Variants in RANBP17 observed in about 807,000 individuals in gnomAD.
RANBP17 encodes RAN binding protein 17, also known as ran-binding protein 17.
In RANBP17, 158 loss-of-function variants were observed where a neutral mutation model predicts 141.2. The observed-to-expected ratio is 1.12, with a 90% confidence interval of 0.98 to 1.28. The LOEUF is 1.28. Among genes scored for constraint, RANBP17 ranks in the 50% most tolerant of loss-of-function variants. The pLI is 0.00. For missense variants in RANBP17, 1,438 were observed against 1,290.7 expected, an observed-to-expected ratio of 1.11 and a Z score of -1.75; for synonymous variants, 430 against 450.0, an observed-to-expected ratio of 0.96 and a Z score of 0.56.
At chr5:170,890,815 A>G (rs1769532130) in intron 3 of RANBP17, among the ~76,000 whole-genome samples, 1 of 152,206 alleles carries the variant, frequency 6.6e-6, no homozygotes, top group Non-Finnish European at 1.5e-5. Flanking sequence ...GCTTGACTTT[A>G]CTATTCTACT....
chr5:171,049,630 T>C (rs1782824780), intron 14 of RANBP17, among the ~76,000 whole-genome samples: 1 of 152,220 alleles, frequency 6.6e-6, no homozygotes, highest in African/African-American at 2.4e-5. Flanking sequence ...TAATCAATCT[T>C]GAATTGATTT....
At chr5:171,238,765 C>T (rs1053438431) in intron 22 of RANBP17, among the ~76,000 whole-genome samples, 3 of 152,166 alleles carry the variant, frequency 2.0e-5, no homozygotes. Context: ...CATGCCTTTG[C>T]ACTTCATCTA....
intron 16 of RANBP17, among the ~76,000 whole-genome samples, chr5:171,178,727 A>G (rs1346189075): frequency 6.6e-6 from 1 of 152,086 alleles, no homozygotes; most frequent in African/African-American, 2.4e-5. Context: ...CTGGCATGAG[A>G]TGGTATCTCA....
chr5:171,000,357 G>C (rs1581359439), intron 14 of RANBP17, among the ~76,000 whole-genome samples: 2 of 152,048 alleles, frequency 1.3e-5, no homozygotes, highest in African/African-American at 2.4e-5. Context: ...ATTGCACAAG[G>C]ATTCGAGTTT....
At chr5:171,164,085 C>T (rs554013133) in intron 14 of RANBP17, among the ~76,000 whole-genome samples, 5 of 152,152 alleles carry the variant, frequency 3.3e-5, no homozygotes, top group Middle Eastern at 6.8e-3. Flanking sequence ...ATGAGAGATT[C>T]GTTGTTCTTT....
At chr5:171,009,426 T>C (rs9313534) in intron 14 of RANBP17, among the ~76,000 whole-genome samples, 93,061 of 151,982 alleles carry the variant, frequency 0.61, 29,836 homozygotes, top group South Asian at 0.88. Context: ...AAGGATTGAA[T>C]TGGATTGGTA....
intron 25 of RANBP17, among the ~76,000 whole-genome samples, chr5:171,266,957 A>G (rs1213320033): frequency 2.0e-5 from 3 of 151,670 alleles, no homozygotes; most frequent in East Asian, 1.9e-4. Flanking sequence ...AAAAAAACAT[A>G]CATGCCAAAA....
At chr5:171,049,027 CTATTT>C (rs1217747258) in intron 14 of RANBP17, among the ~76,000 whole-genome samples, 1 of 152,098 alleles carries the variant, frequency 6.6e-6, no homozygotes, top group Non-Finnish European at 1.5e-5. Context: ...AATGGTAATT[CTATTT>C]TAAGTTCTTC....
intron 14 of RANBP17, among the ~76,000 whole-genome samples, chr5:171,151,962 G>C (rs1758518077): frequency 6.6e-6 from 1 of 152,034 alleles, no homozygotes; most frequent in Non-Finnish European, 1.5e-5. Flanking sequence ...CAAGGAACTG[G>C]GTATATGAGG....
intron 14 of RANBP17, among the ~76,000 whole-genome samples, chr5:171,094,855 G>A (rs111918503): frequency 1.6e-3 from 241 of 152,140 alleles, no homozygotes; most frequent in Non-Finnish European, 2.3e-3. Context: ...CCTTTTCCCT[G>A]TTGGCTGTGG....
chr5:170,906,462 A>G (rs182027360), intron 5 of RANBP17, among the ~76,000 whole-genome samples: 2 of 152,038 alleles, frequency 1.3e-5, no homozygotes, highest in East Asian at 1.9e-4. Flanking sequence ...CTTGCCTCCT[A>G]TCAGGAAGCA....
chr5:171,087,380 C>G (rs997599510), intron 14 of RANBP17, among the ~76,000 whole-genome samples: 10 of 152,040 alleles, frequency 6.6e-5, no homozygotes, highest in Admixed American at 3.9e-4. Flanking sequence ...AGCTTTACTT[C>G]CAGCTATGTG....
Position 171,230,677 on chromosome 5 carries a change from G to T in RANBP17, c.2422+8837G>T, listed in dbSNP as rs563959762. On this transcript the variant is annotated intron_variant, in intron 22 of 27. Coordinates refer to ENST00000523189, the MANE Select transcript of RANBP17 (RefSeq NM_022897.5). Reference sequence around the variant, plus strand: ...CCTGGAAGGCTGAGGCAGGAGAATTGCTTGAACCTGGGAGGCAGAGGTTGC... The same window carrying T: ...CCTGGAAGGCTGAGGCAGGAGAATTTCTTGAACCTGGGAGGCAGAGGTTGC... Among the ~76,000 whole-genome samples, 281 of 152,238 alleles carry T rather than the reference G, an allele frequency of 1.8e-3. 1 individual carries two copies. The highest frequency in any genetic ancestry group is 3.4e-3 in the Non-Finnish European group (230 of 68,018).
intron 14 of RANBP17, among the ~76,000 whole-genome samples, chr5:170,997,429 G>T (rs1778893103): frequency 1.3e-5 from 2 of 152,120 alleles, no homozygotes; most frequent in African/African-American, 4.8e-5. Flanking sequence ...AGCACTTCTG[G>T]TAATTTTGAG....
chr5:171,196,587 C>T (rs1761993247), intron 18 of RANBP17, among the ~76,000 whole-genome samples: 1 of 152,110 alleles, frequency 6.6e-6, no homozygotes, highest in African/African-American at 2.4e-5. Context: ...CTCAAGACAA[C>T]AATAGTGCTA....
At chr5:170,872,509 T>G (rs1009042553) in intron 1 of RANBP17, among the ~76,000 whole-genome samples, 2 of 152,168 alleles carry the variant, frequency 1.3e-5, no homozygotes, top group African/African-American at 4.8e-5. Context: ...ATTTCTTTCT[T>G]TTGCCAGATT....
chr5:170,909,940 T>C (rs1771398194), intron 6 of RANBP17, 175 bp downstream of exon 6: 1 of 465,662 alleles, frequency 2.1e-6, no homozygotes, highest in African/African-American at 2.0e-5. Flanking sequence ...AATTCACTTT[T>C]ACTCACTGGG....
intron 18 of RANBP17, among the ~76,000 whole-genome samples, chr5:171,192,550 TTTCTC>T (rs1483785347): frequency 6.6e-6 from 1 of 152,190 alleles, no homozygotes; most frequent in Non-Finnish European, 1.5e-5. Flanking sequence ...GCACCTCAGT[TTTCTC>T]TTCTGTTAAA....
intron 3 of RANBP17, among the ~76,000 whole-genome samples, chr5:170,882,205 C>G (rs538919978): frequency 6.6e-6 from 1 of 152,132 alleles, no homozygotes; most frequent in South Asian, 2.1e-4. Flanking sequence ...CCTCAGCCTC[C>G]CGAGTAGCTG....
Sources: gnomAD v4.1 joint callset for allele counts (sites outside exome capture counted in the v4.1 genomes callset) on GRCh38, gnomAD v4.1.1 for gene constraint, MANE v1.5 for transcripts, NCBI Gene and HGNC (gene_info 2026-07-23, HGNC 2026-07-21) for gene names.